The following CFI variants were observed in gnomAD, a reference collection of about 807,000 sequenced individuals.
The protein encoded by CFI is complement factor I, also known as C3B/C4B inactivator.
CFI carries 66 observed loss-of-function variants against 78.8 expected under a neutral mutation model. That is an observed-to-expected ratio of 0.84 (90% CI 0.69 to 1.03). The LOEUF (loss-of-function observed/expected upper bound fraction) is 1.03, where lower values mean the gene tolerates loss of function less well. CFI is among the 50% of genes least tolerant of loss of function. The pLI, the probability that CFI is intolerant of heterozygous loss-of-function variation, is 0.00. For synonymous variants in CFI, 250 were observed against 232.6 expected, an observed-to-expected ratio of 1.07 and a Z score of -0.68; for missense variants, 706 against 704.5, an observed-to-expected ratio of 1.00 and a Z score of -0.02.
At chr4:109,741,401 G>C (rs2064388394) in intron 12 of CFI, 1 of 975,584 alleles carries the variant, frequency 1.0e-6, no homozygotes, top group South Asian at 4.7e-5. Context: ...TGCATCAAAT[G>C]CTGAGTAGGA....
chr4:109,761,514 A>C lies in CFI; in HGVS notation c.658+3T>G. On this transcript the variant is annotated splice_donor_region_variant and intron_variant, in intron 4 of 12. Coordinates refer to ENST00000394634, the MANE Select transcript of CFI (RefSeq NM_000204.5). ...GAAAATAACAGGCAAATACTCCACCAACCTGCTTTCTGTGTATAACAAACC... is the reference window on the plus strand; with the variant it reads ...GAAAATAACAGGCAAATACTCCACCCACCTGCTTTCTGTGTATAACAAACC... 1 of 1,614,060 alleles carries C rather than the reference A, an allele frequency of 6.2e-7. No individual in the cohort carries two copies. The highest frequency in any genetic ancestry group is 8.5e-7 in the Non-Finnish European group (1 of 1,179,926).
chr4:109,759,134 C>T (rs186594489), intron 6 of CFI, among the ~76,000 whole-genome samples: 2 of 151,954 alleles, frequency 1.3e-5, no homozygotes, highest in Non-Finnish European at 2.9e-5. Context: ...AAATATTAAA[C>T]CTTGCTCTTA....
downstream of CFI, among the ~76,000 whole-genome samples, chr4:109,737,210 A>C (rs534810899): frequency 2.0e-5 from 3 of 151,218 alleles, no homozygotes; most frequent in Non-Finnish European, 4.4e-5. Flanking sequence ...AATGGTCCAA[A>C]CTCTTTGGTA....
At chr4:109,741,142 C>T (rs1439083566) in intron 12 of CFI, 32 bp from the exon 13 acceptor site, 20 of 1,613,058 alleles carry the variant, frequency 1.2e-5, no homozygotes, top group Non-Finnish European at 1.5e-5. Context: ...GAAAATCACA[C>T]ATTTCCTTCC....
chr4:109,749,152 C>T (rs1724825173), intron 10 of CFI, 66 bp downstream of exon 10: 3 of 1,346,982 alleles, frequency 2.2e-6, no homozygotes, highest in Non-Finnish European at 3.2e-6. Flanking sequence ...TTATCATCTG[C>T]CACAATCTCT....
At chr4:109,792,053 T>C (rs555101868) in intron 1 of CFI, among the ~76,000 whole-genome samples, 11 of 152,334 alleles carry the variant, frequency 7.2e-5, no homozygotes, top group Admixed American at 4.6e-4. Flanking sequence ...TCAATATTTG[T>C]AAAATTTATT....
At chr4:109,792,513 C>T (rs1731511917) in intron 1 of CFI, among the ~76,000 whole-genome samples, 1 of 151,896 alleles carries the variant, frequency 6.6e-6, no homozygotes, top group Non-Finnish European at 1.5e-5. Context: ...TGCAGTGAGC[C>T]GATATCATGC....
At chr4:109,794,705 A>G (rs1731836307) in intron 1 of CFI, among the ~76,000 whole-genome samples, 1 of 152,164 alleles carries the variant, frequency 6.6e-6, no homozygotes, top group Non-Finnish European at 1.5e-5. Flanking sequence ...AGGCATGAGA[A>G]TTGCTTGAAC....
At chr4:109,783,647 C>T (rs1429193023) in intron 1 of CFI, among the ~76,000 whole-genome samples, 2 of 151,522 alleles carry the variant, frequency 1.3e-5, no homozygotes, top group Non-Finnish European at 2.9e-5. Context: ...GTAGAACTAC[C>T]ATCAGATTCA....
chr4:109,770,944 A>G (rs998716112), intron 1 of CFI, among the ~76,000 whole-genome samples: 2 of 152,222 alleles, frequency 1.3e-5, no homozygotes, highest in African/African-American at 4.8e-5. Flanking sequence ...GGTTGTATGA[A>G]CATGTTACTG....
intron 1 of CFI, among the ~76,000 whole-genome samples, chr4:109,774,608 A>G (rs986875798): frequency 6.6e-5 from 10 of 152,178 alleles, no homozygotes; most frequent in African/African-American, 2.4e-4. Flanking sequence ...CCTGTTGGCT[A>G]CTGTAAAGAC....
chr4:109,732,580 G>A, the CFI span, among the ~76,000 whole-genome samples: 5 of 152,138 alleles, frequency 3.3e-5, no homozygotes, highest in Non-Finnish European at 7.4e-5. Flanking sequence ...GGTGATGGCC[G>A]GGTGCGGTGG....
At chr4:109,768,278 CAAAAA>C (rs59449659) in intron 1 of CFI, among the ~76,000 whole-genome samples, 2 of 87,120 alleles carry the variant, frequency 2.3e-5, no homozygotes, top group Non-Finnish European at 4.4e-5. Flanking sequence ...ACTTAAAGTA[CAAAAA>C]AAAAAAAAAA....
intron 7 of CFI, among the ~76,000 whole-genome samples, chr4:109,753,982 A>AAT (rs1030789184): frequency 5.1e-4 from 74 of 144,136 alleles, no homozygotes; most frequent in Middle Eastern, 7.2e-3. Context: ...TGTATTTTAA[A>AAT]ATATATATAT....
chr4:109,769,764 A>G (rs1382069513), intron 1 of CFI, among the ~76,000 whole-genome samples: 1 of 152,176 alleles, frequency 6.6e-6, no homozygotes, highest in Non-Finnish European at 1.5e-5. Flanking sequence ...CCTCTTGGGC[A>G]GGAGTCCTGT....
At chr4:109,745,261 C>A (rs1475085331) in intron 11 of CFI, among the ~76,000 whole-genome samples, 2 of 151,870 alleles carry the variant, frequency 1.3e-5, no homozygotes, top group African/African-American at 4.8e-5. Flanking sequence ...TGGCTCACTG[C>A]AACCTCAACC....
At chr4:109,735,051 A>C in the CFI span, among the ~76,000 whole-genome samples, 1 of 152,158 alleles carries the variant, frequency 6.6e-6, no homozygotes, top group Non-Finnish European at 1.5e-5. Context: ...TCTTGGGCTT[A>C]AGCAATCCTC....
chr4:109,757,195 A>AT (rs528710877), intron 7 of CFI, among the ~76,000 whole-genome samples: 2,458 of 144,934 alleles, frequency 0.017, 28 homozygotes, highest in Non-Finnish European at 0.025. Context: ...CGCCAGGATA[A>AT]TTTTTTTTTT....
At chr4:109,752,556 T>C in intron 7 of CFI, 53 bp from the exon 8 acceptor site, 1 of 1,456,400 alleles carries the variant, frequency 6.9e-7, no homozygotes, top group Non-Finnish European at 9.6e-7. Flanking sequence ...ATAGTCAAAA[T>C]GAAATCATTA....
Sources: gnomAD v4.1 joint callset for allele counts (sites outside exome capture counted in the v4.1 genomes callset) on GRCh38, gnomAD v4.1.1 for gene constraint, MANE v1.5 for transcripts, NCBI Gene and HGNC (gene_info 2026-07-23, HGNC 2026-07-21) for gene names.